The following GPHN variants were observed in gnomAD, a reference collection of about 807,000 sequenced individuals.
GPHN encodes the protein gephyrin.
GPHN carries 17 observed loss-of-function variants against 95.5 expected under a neutral mutation model. The observed-to-expected ratio is 0.18, with a 90% CI of 0.12 to 0.27. GPHN has a LOEUF of 0.27. Among genes scored for constraint, GPHN ranks in the 10% least tolerant of loss-of-function variants. GPHN has a pLI of 1.00. For missense variants in GPHN, 660 were observed against 978.1 expected (o/e 0.67, Z 4.34); for synonymous variants, 320 against 322.5 (o/e 0.99, Z 0.08).
rs1006822678 is a variant in GPHN, at chr14:66,915,896, A to G, written c.390-107A>G. 36 of 754,402 alleles carry G rather than the reference A, an allele frequency of 4.8e-5. No homozygotes were observed. The African/African-American group carries it at 5.5e-4, about 12-fold the overall frequency. The allele number at this position is 754,402 out of a possible 1,614,324, so 46.7% of individuals were successfully genotyped here. Reference sequence around the variant, plus strand: ...TCTTAAGATAACACTTTTATTCCTAAAACAGTTGTTCACATGTAAAGTAAA... The same window carrying G: ...TCTTAAGATAACACTTTTATTCCTAGAACAGTTGTTCACATGTAAAGTAAA... On this transcript the variant is annotated intron_variant, in intron 5 of 22. Transcript: ENST00000478722.
At chr14:66,873,549 C>T (rs969850356) in intron 4 of GPHN, among the ~76,000 whole-genome samples, 1 of 152,164 alleles carries the variant, frequency 6.6e-6, no homozygotes, top group South Asian at 2.1e-4. Flanking sequence ...AGTCTGAAGT[C>T]GACCTGGGGC....
chr14:67,245,621 G>T, the GPHN span, among the ~76,000 whole-genome samples: 1 of 151,990 alleles, frequency 6.6e-6, no homozygotes, highest in Admixed American at 6.6e-5. Flanking sequence ...CAAAGTGGTG[G>T]GATAACACGC....
chr14:67,087,614 A>G (rs1416980359), intron 11 of GPHN, among the ~76,000 whole-genome samples: 1 of 152,086 alleles, frequency 6.6e-6, no homozygotes, highest in African/African-American at 2.4e-5. Flanking sequence ...CAATATCACT[A>G]TAGGATATAG....
At chr14:66,896,719 G>T (rs2064869791) in intron 5 of GPHN, among the ~76,000 whole-genome samples, 1 of 151,896 alleles carries the variant, frequency 6.6e-6, no homozygotes, top group Admixed American at 6.6e-5. Flanking sequence ...AGGATGGACG[G>T]AGTATACAAC....
the GPHN span, among the ~76,000 whole-genome samples, chr14:67,290,803 G>A: frequency 6.6e-6 from 1 of 152,108 alleles, no homozygotes; most frequent in Non-Finnish European, 1.5e-5. Context: ...CCAAAGTGCT[G>A]GGGTTACAGA....
intron 10 of GPHN, among the ~76,000 whole-genome samples, chr14:67,057,412 G>A (rs546249990): frequency 3.0e-5 from 4 of 131,336 alleles, no homozygotes; most frequent in African/African-American, 5.6e-5. Flanking sequence ...GCACATGGGT[G>A]GGGGGGGCAA....
At chr14:66,736,226 G>A (rs2072252642) in intron 2 of GPHN, among the ~76,000 whole-genome samples, 1 of 151,802 alleles carries the variant, frequency 6.6e-6, no homozygotes. Flanking sequence ...TTAAATTTGA[G>A]TATATTTGGT....
chr14:66,652,662 A>G (rs1391708969), intron 1 of GPHN, among the ~76,000 whole-genome samples: 2 of 152,124 alleles, frequency 1.3e-5, no homozygotes, highest in Admixed American at 1.3e-4. Context: ...TTTATAGTGT[A>G]ACATTCTTGG....
intron 1 of GPHN, among the ~76,000 whole-genome samples, chr14:66,508,854 C>CG (rs1288842465): frequency 1.3e-5 from 2 of 152,170 alleles, no homozygotes. Flanking sequence ...CCTGGGCCCC[C>CG]GGGGACCGAG....
the GPHN span, among the ~76,000 whole-genome samples, chr14:67,577,114 T>C: frequency 3.3e-5 from 5 of 152,222 alleles, no homozygotes; most frequent in African/African-American, 1.2e-4. Flanking sequence ...GCCATGCTTA[T>C]ATGAGGGTGC....
At chr14:66,650,549 A>C (rs2064994322) in intron 1 of GPHN, among the ~76,000 whole-genome samples, 1 of 152,210 alleles carries the variant, frequency 6.6e-6, no homozygotes, top group Non-Finnish European at 1.5e-5. Flanking sequence ...GAATCAATGA[A>C]ATAGCAGAGT....
chr14:67,467,176 T>G, the GPHN span: 1 of 152,180 alleles, frequency 6.6e-6, no homozygotes, highest in Non-Finnish European at 1.5e-5. Flanking sequence ...TGTAATGTTA[T>G]GGGCTTCCCT....
the GPHN span, chr14:67,386,628 A>G: frequency 6.6e-6 from 1 of 152,270 alleles, no homozygotes; most frequent in Admixed American, 6.5e-5. Context: ...ATGCCTTGAT[A>G]TAAATCTTCC....
At chr14:66,510,998 A>C (rs1180455139) in intron 1 of GPHN, among the ~76,000 whole-genome samples, 1 of 152,198 alleles carries the variant, frequency 6.6e-6, no homozygotes, top group East Asian at 1.9e-4. Flanking sequence ...ATAAGTGATA[A>C]TAGAGGAAAA....
At chr14:66,520,253 G>C (rs1407144070) in intron 1 of GPHN, among the ~76,000 whole-genome samples, 1 of 151,984 alleles carries the variant, frequency 6.6e-6, no homozygotes, top group African/African-American at 2.4e-5. Flanking sequence ...GGGGTCAAGG[G>C]TATATGAACT....
At chr14:66,835,416 C>A (rs1263104010) in intron 4 of GPHN, among the ~76,000 whole-genome samples, 1 of 152,100 alleles carries the variant, frequency 6.6e-6, no homozygotes, top group African/African-American at 2.4e-5. Flanking sequence ...TCCCTCTACA[C>A]ACTGCTTTGA....
the GPHN span, among the ~76,000 whole-genome samples, chr14:67,559,966 T>A: frequency 6.6e-6 from 1 of 152,198 alleles, no homozygotes; most frequent in Non-Finnish European, 1.5e-5. Context: ...CCCCTCAGTT[T>A]CTTTCTAGGA....
the GPHN span, chr14:67,279,033 A>T: frequency 2.7e-6 from 2 of 749,264 alleles, no homozygotes; most frequent in Non-Finnish European, 3.9e-6. Flanking sequence ...CTTCATGGAT[A>T]CTTTTTCATA....
chr14:66,517,796 T>C (rs1028008238), intron 1 of GPHN, among the ~76,000 whole-genome samples: 1 of 151,972 alleles, frequency 6.6e-6, no homozygotes, highest in African/African-American at 2.4e-5. Flanking sequence ...TAACTCAAAA[T>C]GAATCAAAGA....
Sources: gnomAD v4.1 joint callset for allele counts (sites outside exome capture counted in the v4.1 genomes callset) on GRCh38, gnomAD v4.1.1 for gene constraint, MANE v1.5 for transcripts, NCBI Gene and HGNC (gene_info 2026-07-23, HGNC 2026-07-21) for gene names.